PCDHGA2: variants seen among roughly 807,000 people sequenced by gnomAD.
The protein encoded by PCDHGA2 is protocadherin gamma subfamily A, 2, also known as protocadherin gamma-A2.
Under a neutral mutation model 59.2 loss-of-function variants are expected in PCDHGA2, and 40 were observed. That is an observed-to-expected ratio of 0.68 (90% CI 0.52 to 0.88). PCDHGA2 has a LOEUF of 0.88. PCDHGA2 is among the 40% of genes least tolerant of loss of function. PCDHGA2 has a pLI of 0.00. For missense variants in PCDHGA2, 1,226 were observed against 1,204.0 expected (o/e 1.02, Z -0.27); for synonymous variants, 560 against 526.0 (o/e 1.06, Z -0.89).
At position 141,423,537 on chromosome 5, in the gene PCDHGA2, T is replaced by A. The variant is rs201034039; in HGVS notation, c.2425-71270T>A. 1.4e-4 allele frequency: 225 copies of A among 1,613,694 alleles called. 2 individuals carry two copies. In the South Asian group the frequency reaches 2.3e-3, roughly 16 times the overall value. On this transcript the variant is annotated intron_variant, in intron 1 of 3. Coordinates refer to ENST00000394576, the MANE Select transcript of PCDHGA2 (RefSeq NM_018915.4). ...CGGACTCGCAGAAGAGTCACCTGAT[T>A]TTCCCCCAGCCCAACTATGGGGACA...
At chr5:141,496,617 A>G (rs2099769939) in intron 2 of PCDHGA2, among the ~76,000 whole-genome samples, 2 of 152,236 alleles carry the variant, frequency 1.3e-5, no homozygotes, top group Admixed American at 1.3e-4. Flanking sequence ...AAAAAGCAGC[A>G]GATCAAAAGG....
chr5:141,439,638 C>T (rs1256973189), intron 1 of PCDHGA2, among the ~76,000 whole-genome samples: 2 of 152,184 alleles, frequency 1.3e-5, no homozygotes, highest in African/African-American at 4.8e-5. Context: ...GACATTCCGG[C>T]TTGGTGGCTT....
chr5:141,353,366 G>A (rs1188764395), intron 1 of PCDHGA2, among the ~76,000 whole-genome samples: 1 of 152,122 alleles, frequency 6.6e-6, no homozygotes, highest in Non-Finnish European at 1.5e-5. Flanking sequence ...TGTAATTGAT[G>A]TAATTATGTA....
At position 141,491,583 on chromosome 5, in the gene PCDHGA2, C is replaced by T; in HGVS notation, c.2425-3224C>T. On this transcript the variant is annotated intron_variant, in intron 1 of 3. Transcript: ENST00000394576. The surrounding 1 kb of genome is among the most constrained non-coding windows in gnomAD (Gnocchi z 6.9). ...GCTACAGGACGTGCTTTTCACCGGC[C>T]TCGGACGGCAGTGACTTCACTTTTC... 1 of 1,613,964 alleles carries T rather than the reference C, an allele frequency of 6.2e-7. No individual in the cohort carries two copies. Among genetic ancestry groups the T allele is most frequent in the African/African-American group, 1.3e-5 (1 of 75,032 alleles).
At position 141,460,338 on chromosome 5, in the gene PCDHGA2, T is replaced by C. The variant is rs1180912204; in HGVS notation, c.2425-34469T>C. Among the ~76,000 whole-genome samples, 4 of 152,222 alleles carry C rather than the reference T, an allele frequency of 2.6e-5. No homozygotes were observed. The East Asian group carries it at 7.7e-4, about 29-fold the overall frequency. On this transcript the variant is annotated intron_variant, in intron 1 of 3. Transcript: ENST00000394576. ...GCCTACTGAAAACTTATGATGATTT[T>C]CTCCTATATTTTCTTTTAGAAGTTT...
At chr5:141,418,563 C>A (rs2096269554) in intron 1 of PCDHGA2, 2 of 1,613,998 alleles carry the variant, frequency 1.2e-6, no homozygotes, top group Non-Finnish European at 1.7e-6. Context: ...GTAATAGATG[C>A]CAATGACAAC....
chr5:141,511,237 T>C lies in PCDHGA2; in HGVS notation c.*64T>C, dbSNP rs886816274. 1.9e-6 allele frequency: 3 copies of C among 1,590,378 alleles called. No homozygotes were observed. The South Asian group carries it at 3.4e-5, about 18-fold the overall frequency. ...CCAACCAGCCCAGCTTCTCCTTACC[T>C]GCACCCAGGCCTCAGAGTTTCAGGG... On this transcript the variant is annotated 3_prime_UTR_variant, in exon 4 of 4. Coordinates refer to ENST00000394576, the MANE Select transcript of PCDHGA2 (RefSeq NM_018915.4).
In PCDHGA2 at chr5:141,476,089, C is replaced by A; in HGVS notation, c.2425-18718C>A. 1 of 1,560,716 alleles carries A rather than the reference C, an allele frequency of 6.4e-7. No individual in the cohort carries two copies. The highest frequency in any genetic ancestry group is 8.6e-7 in the Non-Finnish European group (1 of 1,158,372). On this transcript the variant is annotated intron_variant, in intron 1 of 3. Coordinates refer to ENST00000394576, the MANE Select transcript of PCDHGA2 (RefSeq NM_018915.4). This position sits in a 1 kb window ranked among gnomAD's most constrained non-coding sequence, Gnocchi z 7.6. ...CGAAATCTCAGGGACGATCTGGACC[C>A]CGCTGAGAGGAACTGCTTTTGAGTG...
At chr5:141,371,570 T>C (rs767925650) in intron 1 of PCDHGA2, 3 of 1,613,762 alleles carry the variant, frequency 1.9e-6, no homozygotes, top group Admixed American at 3.3e-5. Flanking sequence ...ACTTCCCCTT[T>C]AAAATCGTTC....
At chr5:141,405,140 G>A in intron 1 of PCDHGA2, 1 of 1,614,072 alleles carries the variant, frequency 6.2e-7, no homozygotes, top group Non-Finnish European at 8.5e-7. Flanking sequence ...GGCTACCAGT[G>A]ATGGGTTGGC....
Position 141,340,514 on chromosome 5 carries a change from T to C in PCDHGA2, c.1543T>C (p.Tyr515His), listed in dbSNP as rs1756953405. The change falls in exon 1 of 4, where the codon TAT becomes CAT. Residue 515 changes from tyrosine (Y) to histidine (H), a missense_variant. Tyr to His is a moderately conservative substitution (Grantham distance 83). Transcript: ENST00000394576. ...ISINSDTGVL[Y>H]ALRSFDYEQL... ...TATCAACTCCGACACTGGAGTACTC[T>C]ATGCACTGCGCTCCTTTGATTATGA... The C allele has an allele frequency of 6.2e-7, 1 of 1,614,130 alleles. No homozygotes were observed. The highest frequency in any genetic ancestry group is 8.5e-7 in the Non-Finnish European group (1 of 1,180,054).
chr5:141,366,386 G>C, intron 1 of PCDHGA2: 1 of 1,614,164 alleles, frequency 6.2e-7, no homozygotes, highest in South Asian at 1.1e-5. Flanking sequence ...TGACCCTGAG[G>C]ATCTGGACCT....
chr5:141,403,879 T>C (rs981085034), intron 1 of PCDHGA2: 19 of 1,613,692 alleles, frequency 1.2e-5, no homozygotes, highest in Non-Finnish European at 1.6e-5. Context: ...GTCTAGATTA[T>C]GAAGAATGTT....
intron 1 of PCDHGA2, among the ~76,000 whole-genome samples, chr5:141,462,012 G>A (rs1046109009): frequency 9.9e-5 from 15 of 152,128 alleles, no homozygotes; most frequent in Admixed American, 5.9e-4. Context: ...TAATAGAGAC[G>A]GGGTTTCTTC....
At chr5:141,356,671 CT>C (rs779707398) in intron 1 of PCDHGA2, 2 of 1,614,056 alleles carry the variant, frequency 1.2e-6, no homozygotes, top group Non-Finnish European at 1.7e-6. Context: ...CACTTACTCC[CT>C]GGCCGAAGAC....
At chr5:141,367,142 G>A (rs1224581067) in intron 1 of PCDHGA2, 1 of 171,748 alleles carries the variant, frequency 5.8e-6, no homozygotes, top group African/African-American at 2.4e-5. Flanking sequence ...AAAGGATAAT[G>A]TATAGGACTG....
At chr5:141,399,795 G>C in intron 1 of PCDHGA2, 2 of 1,613,204 alleles carry the variant, frequency 1.2e-6, no homozygotes, top group Non-Finnish European at 1.7e-6. Context: ...ACAACGCACC[G>C]CGGGTGCTGT....
At chr5:141,394,378 A>G (rs373024642) in intron 1 of PCDHGA2, 91 of 1,614,090 alleles carry the variant, frequency 5.6e-5, no homozygotes, top group Non-Finnish European at 6.9e-5. Flanking sequence ...TCTTTCGACT[A>G]TGAGCAGATC....
At chr5:141,352,393 G>A (rs1357772076) in intron 1 of PCDHGA2, 3 of 1,613,936 alleles carry the variant, frequency 1.9e-6, no homozygotes, top group Admixed American at 3.3e-5. Context: ...CCCTGCGCCT[G>A]CGACGTTCCT....
Sources: allele counts gnomAD v4.1 joint callset (sites outside exome capture counted in the v4.1 genomes callset), GRCh38; gene constraint gnomAD v4.1.1; non-coding constraint Gnocchi (gnomAD v3.1); transcripts MANE v1.5; gene names NCBI Gene and HGNC (gene_info 2026-07-23, HGNC 2026-07-21).